TSTD2: variants seen among roughly 807,000 people sequenced by gnomAD.
The protein encoded by TSTD2 is thiosulfate sulfurtransferase like domain containing 2, also known as thiosulfate sulfurtransferase/rhodanese-like domain-containing protein 2.
A neutral mutation model predicts 47.9 loss-of-function variants in TSTD2; 37 were observed. The observed-to-expected ratio is 0.77, with a 90% CI of 0.59 to 1.02. The LOEUF is 1.02. TSTD2 is among the 50% of genes least tolerant of loss of function. The pLI is 0.00. For missense variants in TSTD2, 586 were observed against 616.0 expected, an observed-to-expected ratio of 0.95 and a Z score of 0.52; for synonymous variants, 201 against 215.9, an observed-to-expected ratio of 0.93 and a Z score of 0.61.
chr9:97,625,616 G>A (rs1587983822), intron 3 of TSTD2, 65 bp downstream of exon 3: 1 of 1,455,092 alleles, frequency 6.9e-7, no homozygotes, highest in East Asian at 2.3e-5. Flanking sequence ...TGGGTGAATT[G>A]TAGTATCTCA....
chr9:97,627,830 C>T (rs1335284150), intron 1 of TSTD2, among the ~76,000 whole-genome samples: 1 of 152,170 alleles, frequency 6.6e-6, no homozygotes, highest in Non-Finnish European at 1.5e-5. Context: ...AAAGTTTCTG[C>T]CTGCTTAGAG....
At chr9:97,622,080 AGAAAAGAACCTAC>A (rs1238941410) in intron 3 of TSTD2, among the ~76,000 whole-genome samples, 2 of 152,112 alleles carry the variant, frequency 1.3e-5, no homozygotes, top group Non-Finnish European at 2.9e-5. Context: ...TAGAGAAAAT[AGAAAAGAACCTAC>A]GTTGACATAT....
At position 97,601,262 on chromosome 9, in the gene TSTD2, G is replaced by GT. The variant is rs1451635673; in HGVS notation, c.*1206dup. ...AATCTGTTGGTCTATGCATGGCTGC[G>GT]TATGTGTTTCTTGGAACCTGTGTGA... On this transcript the variant is annotated 3_prime_UTR_variant, in exon 10 of 10. Transcript: ENST00000341170. 1.7e-6 allele frequency: 2 copies of GT among 1,205,438 alleles called. No individual in the cohort carries two copies. The highest frequency in any genetic ancestry group is 1.6e-5 in the African/African-American group (1 of 63,166). 74.7% of individuals were successfully genotyped at this position (1,205,438 alleles called of 1,614,324 possible).
At chr9:97,604,159 C>A (rs1297102570) in intron 9 of TSTD2, 1 of 152,174 alleles carries the variant, frequency 6.6e-6, no homozygotes, top group Non-Finnish European at 1.5e-5. Context: ...TAACTATTTT[C>A]ATTTTGAAGC....
rs1826224826 is a variant in TSTD2 at position 97,600,264 on chromosome 9, G to A, written c.*2205C>T. 1.0e-6 allele frequency: 1 copy of A among 986,656 alleles called. No homozygotes were observed. The highest frequency in any genetic ancestry group is 1.2e-6 in the Non-Finnish European group (1 of 830,616). 61.1% of individuals were successfully genotyped at this position (986,656 alleles called of 1,614,324 possible). A position where few individuals can be genotyped will look rare whatever the true frequency, so the allele number is the denominator to read the frequency against. On this transcript the variant is annotated 3_prime_UTR_variant, in exon 10 of 10. Transcript: ENST00000341170. Reference sequence around the variant, plus strand: ...AACAGATAGACAGACTGAAGCCACTGAACTCTGCCAGGAGTCAACATGAGA... The same window carrying A: ...AACAGATAGACAGACTGAAGCCACTAAACTCTGCCAGGAGTCAACATGAGA...
At chr9:97,623,844 G>A (rs1178854176) in intron 3 of TSTD2, among the ~76,000 whole-genome samples, 2 of 151,678 alleles carry the variant, frequency 1.3e-5, no homozygotes, top group Non-Finnish European at 1.5e-5. Flanking sequence ...GTGACAGAGT[G>A]AGACTCTGTC....
chr9:97,611,678 T>C lies in TSTD2; in HGVS notation c.625A>G (p.Ile209Val), dbSNP rs1392264112. The part of the protein sequence containing the change: ...TGKIRIAAEG[I>V]NGTVGGSKLA... ...TTGCTTCCACCAACTGTCCCATTGA[T>C]TCCTTCTGCAGCAATTCGAATCTGA... The change falls in exon 5 of 10, where the codon ATC becomes GTC. Residue 209 changes from isoleucine to valine, a missense_variant. Ile to Val is a conservative substitution (Grantham distance 29, BLOSUM62 3). Transcript: ENST00000341170. The C allele has an allele frequency of 6.2e-7, 1 of 1,609,316 alleles. No individual in the cohort carries two copies. Among genetic ancestry groups the C allele is most frequent in the Non-Finnish European group, 8.5e-7 (1 of 1,175,890 alleles).
At chr9:97,610,880 T>C (rs544736575) in intron 5 of TSTD2, 1 of 152,954 alleles carries the variant, frequency 6.5e-6, no homozygotes, top group East Asian at 1.9e-4. Flanking sequence ...CCCCATGTGG[T>C]ATGAAGTGTT....
chr9:97,610,406 C>T lies in TSTD2; in HGVS notation c.775G>A (p.Val259Ile), dbSNP rs1250008848. ...AHCFPELRVGVFEEIVPMGIS... is the reference protein window; with the variant it reads ...AHCFPELRVGIFEEIVPMGIS... Reference sequence around the variant, plus strand: ...CCCATGGGCACGATTTCTTCAAATACACCAACACGCAATTCTGGAAAACAG... The same window carrying T: ...CCCATGGGCACGATTTCTTCAAATATACCAACACGCAATTCTGGAAAACAG... The change falls in exon 6 of 10, where the codon GTA (valine) becomes ATA (isoleucine). Residue 259 changes from valine (V) to isoleucine (I), a missense_variant. Val to Ile is a conservative substitution (Grantham distance 29, BLOSUM62 3). Coordinates refer to ENST00000341170, the MANE Select transcript of TSTD2 (RefSeq NM_139246.5). The T allele has an allele frequency of 1.3e-6, 2 of 1,593,882 alleles. No individual in the cohort carries two copies. Among genetic ancestry groups the T allele is most frequent in the African/African-American group, 1.4e-5 (1 of 73,796 alleles).
At chr9:97,618,756 A>C (rs994764201) in intron 3 of TSTD2, among the ~76,000 whole-genome samples, 1 of 152,182 alleles carries the variant, frequency 6.6e-6, no homozygotes, top group Non-Finnish European at 1.5e-5. Flanking sequence ...AGTACACGAC[A>C]ATTAAGGTCC....
At position 97,611,817 on chromosome 9, in the gene TSTD2, T is replaced by A. The variant is rs1045244999; in HGVS notation, c.604-118A>T. The A allele has an allele frequency of 4.0e-6, 4 of 999,516 alleles. No homozygotes were observed. In the South Asian group the frequency reaches 7.3e-5, roughly 18 times the overall value. 61.9% of individuals were successfully genotyped at this position (999,516 alleles called of 1,614,324 possible). A position where few individuals can be genotyped will look rare whatever the true frequency, so the allele number is the denominator to read the frequency against. ...TTAACAGGAAAAGCAGAGACGCTGATGAGGACACCAAAGTGTTACTGGACA... is the reference window on the plus strand; with the variant it reads ...TTAACAGGAAAAGCAGAGACGCTGAAGAGGACACCAAAGTGTTACTGGACA... On this transcript the variant is annotated intron_variant, in intron 4 of 9. Transcript: ENST00000341170.
chr9:97,603,367 C>G (rs1301367817), intron 9 of TSTD2, among the ~76,000 whole-genome samples: 1 of 152,190 alleles, frequency 6.6e-6, no homozygotes, highest in African/African-American at 2.4e-5. Flanking sequence ...CCTTGCTTAT[C>G]TAAGCTACCT....
At chr9:97,610,730 T>C (rs1564007129) in intron 5 of TSTD2, 1 of 225,154 alleles carries the variant, frequency 4.4e-6, no homozygotes, top group Non-Finnish European at 8.7e-6. Context: ...AACATGTGAC[T>C]ATACCCGGTT....
intron 6 of TSTD2, among the ~76,000 whole-genome samples, chr9:97,608,429 A>C (rs1826402388): frequency 6.6e-6 from 1 of 152,066 alleles, no homozygotes; most frequent in Non-Finnish European, 1.5e-5. Context: ...TGAGGTCAGG[A>C]GTTTGAGACC....
Position 97,611,301 on chromosome 9 carries a change from C to T in TSTD2, c.729+273G>A, listed in dbSNP as rs376101730. Among the ~76,000 whole-genome samples, 32 of 152,114 alleles carry T rather than the reference C, an allele frequency of 2.1e-4. No individual in the cohort carries two copies. The East Asian group carries it at 6.0e-3, about 29-fold the overall frequency. The stretch of plus-strand genomic sequence containing the variant: ...AAAATTAGCCAGACATGGTGATGCA[C>T]GCCTATGGTCCTAGCTACCTGGGAG... On this transcript the variant is annotated intron_variant, in intron 5 of 9. Coordinates refer to ENST00000341170, the MANE Select transcript of TSTD2 (RefSeq NM_139246.5).
In TSTD2 at chr9:97,602,571, G is replaced by T; in HGVS notation, c.1449C>A (p.Ala483=). The T allele has an allele frequency of 6.2e-7, 1 of 1,614,196 alleles. No homozygotes were observed. The highest frequency in any genetic ancestry group is 1.1e-5 in the South Asian group (1 of 91,080). ...GTTCCCTAGGTATGCGTGGCCGTCG[G>T]GCTGTGCACTCGCATTCCTCTTTAA... ...DSFKEECECT[A]RRPRIPRELL... Residue 483 remains alanine, a synonymous_variant, in exon 10 of 10, where the codon GCC becomes GCA. Transcript: ENST00000341170.
chr9:97,602,359 A>T lies in TSTD2; in HGVS notation c.*110T>A. ...GACGGCTGCCACGGTGGCAGCGGCC[A>T]GAACTGAAGTTCCCGATTTCTCTGT... is the stretch of plus-strand genomic sequence containing the variant. On this transcript the variant is annotated 3_prime_UTR_variant, in exon 10 of 10. Coordinates refer to ENST00000341170, the MANE Select transcript of TSTD2 (RefSeq NM_139246.5). The T allele has an allele frequency of 7.5e-7, 1 of 1,341,898 alleles. No homozygotes were observed. The allele number at this position is 1,341,898 out of a possible 1,614,324, so 83.1% of individuals were successfully genotyped here. A position where few individuals can be genotyped will look rare whatever the true frequency, so the allele number is the denominator to read the frequency against.
In TSTD2 at chr9:97,601,229, T is replaced by C. The variant is rs150926420; in HGVS notation, c.*1240A>G. The C allele has an allele frequency of 1.9e-4, 243 of 1,270,796 alleles. 2 individuals are homozygous for C. In the African/African-American group the frequency reaches 3.2e-3, roughly 17 times the overall value. The allele number at this position is 1,270,796 out of a possible 1,614,324, so 78.7% of individuals were successfully genotyped here. A position where few individuals can be genotyped will look rare whatever the true frequency, so the allele number is the denominator to read the frequency against. Reference sequence around the variant, plus strand: ...TTCTGCATCGCTGAAAACTGCAATATAATATTAAATCTGTTGGTCTATGCA... The same window carrying C: ...TTCTGCATCGCTGAAAACTGCAATACAATATTAAATCTGTTGGTCTATGCA... On this transcript the variant is annotated 3_prime_UTR_variant, in exon 10 of 10. Coordinates refer to ENST00000341170, the MANE Select transcript of TSTD2 (RefSeq NM_139246.5).
At position 97,625,780 on chromosome 9, in the gene TSTD2, G is replaced by A; in HGVS notation, c.383C>T (p.Ala128Val). ...TLSTSKSLSS[A>V]DEKNPLKECL... ...CTCTTTTAAAGGGTTCTTTTCATCT[G>A]CAGACGAAAGACTCTTTGAGGTGCT... Residue 128 changes from alanine to valine, a missense_variant, in exon 3 of 10, where the codon GCA (alanine) becomes GTA (valine). Transcript: ENST00000341170. 3 of 1,614,134 alleles carry A rather than the reference G, an allele frequency of 1.9e-6. No individual in the cohort carries two copies. The highest frequency in any genetic ancestry group is 2.5e-6 in the Non-Finnish European group (3 of 1,179,988).
Sources: gnomAD v4.1 joint callset for allele counts (sites outside exome capture counted in the v4.1 genomes callset) on GRCh38, gnomAD v4.1.1 for gene constraint, MANE v1.5 for transcripts, NCBI Gene and HGNC (gene_info 2026-07-23, HGNC 2026-07-21) for gene names.